Variants in DNAH12 observed in about 807,000 individuals in gnomAD.
DNAH12 encodes dynein axonemal heavy chain 12.
A neutral mutation model predicts 371.5 loss-of-function variants in DNAH12; 285 were observed. That is an observed-to-expected ratio of 0.77 (90% CI 0.70 to 0.85). DNAH12 has a LOEUF of 0.85. Among genes scored for constraint, DNAH12 ranks in the 40% least tolerant of loss-of-function variants. DNAH12 has a pLI of 0.00. For synonymous variants in DNAH12, 1,200 were observed against 1,213.0 expected (o/e 0.99, Z 0.22); for missense variants, 3,611 against 3,689.4 (o/e 0.98, Z 0.55).
chr3:57,517,774 C>T (rs1256834941), intron 4 of DNAH12, among the ~76,000 whole-genome samples: 2 of 152,158 alleles, frequency 1.3e-5, no homozygotes, highest in Non-Finnish European at 2.9e-5. Context: ...TGGCCCAGCA[C>T]GGTGGCTCAT....
intron 19 of DNAH12, among the ~76,000 whole-genome samples, 185 bp from the exon 20 acceptor site, chr3:57,459,971 A>C (rs912566360): frequency 3.3e-5 from 5 of 152,154 alleles, no homozygotes; most frequent in Admixed American, 2.0e-4. Context: ...GTTTTCCTAA[A>C]TCACTGGAAC....
At chr3:57,482,504 T>G (rs1169824176) in intron 13 of DNAH12, among the ~76,000 whole-genome samples, 10 of 152,088 alleles carry the variant, frequency 6.6e-5, no homozygotes, top group South Asian at 4.2e-4. Context: ...CATTGTGGAA[T>G]TCAGTGTGGC....
chr3:57,403,443 C>T lies in DNAH12; in HGVS notation c.6814G>A (p.Ala2272Thr). 6.4e-7 allele frequency: 1 copy of T among 1,551,382 alleles called. No individual in the cohort carries two copies. The highest frequency in any genetic ancestry group is 2.0e-5 in the Admixed American group (1 of 50,974). ...CRVLKQSGGN[A>T]LLVGLGGSGR... The stretch of plus-strand genomic sequence containing the variant: ...CTTCCTCCAAGACCAACAAGCAAAG[C>T]ATTTCCACCAGATTGCTTTAGAACT... The change falls in exon 43 of 74, where the codon GCT becomes ACT. Residue 2272 changes from alanine to threonine, a missense_variant. Transcript: ENST00000495027.
At chr3:57,418,610 C>G (rs1055282982) in intron 37 of DNAH12, among the ~76,000 whole-genome samples, 1 of 150,614 alleles carries the variant, frequency 6.6e-6, no homozygotes, top group South Asian at 2.1e-4. Flanking sequence ...TGCTTAGCTT[C>G]TAAATGCAAA....
intron 4 of DNAH12, among the ~76,000 whole-genome samples, chr3:57,514,165 G>T (rs1034561463): frequency 1.3e-5 from 2 of 152,114 alleles, no homozygotes; most frequent in African/African-American, 2.4e-5. Context: ...AGGCTGAGGC[G>T]GGCGGATCAC....
Position 57,382,927 on chromosome 3 carries a change from C to T in DNAH12, c.7861-534G>A, listed in dbSNP as rs1032735091. Among the ~76,000 whole-genome samples the T allele has an allele frequency of 8.6e-4, 131 of 152,264 alleles. 2 individuals are homozygous for T. Among genetic ancestry groups the T allele is most frequent in the Admixed American group, 6.7e-3 (103 of 15,286 alleles). On this transcript the variant is annotated intron_variant, in intron 49 of 73. Transcript: ENST00000495027. ...GATGCAAATGCTGGAAAGCTAACAA[C>T]TATATATCTTAGTTTTTCATGCAAT...
At chr3:57,367,266 AGTGAG>A (rs2063071080) in intron 56 of DNAH12, among the ~76,000 whole-genome samples, 1 of 152,172 alleles carries the variant, frequency 6.6e-6, no homozygotes, top group Admixed American at 6.5e-5. Context: ...CCCAGGAAGC[AGTGAG>A]CTGAGACTGC....
At chr3:57,467,640 C>A (rs536657456) in intron 17 of DNAH12, among the ~76,000 whole-genome samples, 41 of 152,214 alleles carry the variant, frequency 2.7e-4, no homozygotes, top group Admixed American at 1.2e-3. Context: ...CAATGGTATA[C>A]TCTTCCTATG....
intron 58 of DNAH12, among the ~76,000 whole-genome samples, chr3:57,359,118 T>TTTA (rs2062864015): frequency 3.3e-5 from 5 of 152,202 alleles, no homozygotes; most frequent in Non-Finnish European, 7.3e-5. Flanking sequence ...ACTTAATTAG[T>TTTA]ATTCCATGGC....
the DNAH12 span, among the ~76,000 whole-genome samples, chr3:57,550,317 A>AAAAAC: frequency 1.5e-4 from 23 of 152,142 alleles, no homozygotes; most frequent in East Asian, 1.9e-4. Context: ...CCCTGCTTTT[A>AAAAAC]AAAACAAAAC....
At chr3:57,436,626 A>G (rs1017759220) in intron 30 of DNAH12, among the ~76,000 whole-genome samples, 2 of 152,306 alleles carry the variant, frequency 1.3e-5, no homozygotes, top group East Asian at 3.9e-4. Context: ...ATGCATCGTC[A>G]CCTAGGGATC....
Position 57,334,891 on chromosome 3 carries a change from C to T in DNAH12, c.9724G>A (p.Gly3242Arg). 1 of 1,551,636 alleles carries T rather than the reference C, an allele frequency of 6.4e-7. No homozygotes were observed. Among genetic ancestry groups the T allele is most frequent in the South Asian group, 1.2e-5 (1 of 84,004 alleles). Reference protein sequence around the residue: ...YQELMFLLTGGVSLKSAEKNP... With the variant: ...YQELMFLLTGRVSLKSAEKNP... ...TTCTCAGCACTTTTAAGACTTACTC[C>T]TCCAGTTAAAAGAAACATCAGTTCC... The change falls in exon 61 of 74, where the codon GGA (glycine) becomes AGA (arginine). Residue 3242 changes from glycine to arginine, a missense_variant. By Grantham distance (125) the Gly-to-Arg change is moderately radical (BLOSUM62 -2). Coordinates refer to ENST00000495027, the MANE Select transcript of DNAH12 (RefSeq NM_001366028.2).
In DNAH12 at chr3:57,331,907, C is replaced by A. The variant is rs372867649; in HGVS notation, c.9978+2558G>T. Among the ~76,000 whole-genome samples, 8 of 152,282 alleles carry A rather than the reference C, an allele frequency of 5.3e-5. No homozygotes were observed. The East Asian group carries it at 1.5e-3, about 29-fold the overall frequency. ...GATCAAATTCCTCATACCCTGCCATCTCCCAGGTGGTATCTCATCACCCTG... is the reference window on the plus strand; with the variant it reads ...GATCAAATTCCTCATACCCTGCCATATCCCAGGTGGTATCTCATCACCCTG... On this transcript the variant is annotated intron_variant, in intron 62 of 73. Coordinates refer to ENST00000495027, the MANE Select transcript of DNAH12 (RefSeq NM_001366028.2).
At chr3:57,419,163 T>G (rs543986732) in intron 37 of DNAH12, among the ~76,000 whole-genome samples, 1 of 152,316 alleles carries the variant, frequency 6.6e-6, no homozygotes, top group South Asian at 2.1e-4. Flanking sequence ...CAAAGTATGA[T>G]GGCAAGGGCT....
At chr3:57,407,324 G>A (rs782544977) in intron 40 of DNAH12, among the ~76,000 whole-genome samples, 1 of 150,388 alleles carries the variant, frequency 6.6e-6, no homozygotes, top group Non-Finnish European at 1.5e-5. Flanking sequence ...TGGCAGGGAT[G>A]CTTTCTGTAT....
intron 36 of DNAH12, among the ~76,000 whole-genome samples, chr3:57,419,949 T>C (rs1012333655): frequency 3.3e-5 from 5 of 152,222 alleles, no homozygotes; most frequent in Non-Finnish European, 7.3e-5. Flanking sequence ...TTCCTGGGTT[T>C]TGGCTTTACT....
intron 2 of DNAH12, among the ~76,000 whole-genome samples, chr3:57,538,403 G>A (rs1178969437): frequency 3.0e-5 from 3 of 99,732 alleles, no homozygotes; most frequent in Non-Finnish European, 7.0e-5. Context: ...TTACAGATCT[G>A]TATAAAGCAC....
Position 57,314,603 on chromosome 3 carries a change from CA to C in DNAH12, c.10552del (p.Cys3518ValfsTer54). ...LAWEKLLFGVCFFHALVQERK... is the reference protein window; with the variant it reads ...LAWEKLLFGVXFFHALVQERK... Reference sequence around the variant, plus strand: ...CTCTTGCACAAGGGCATGAAAAAAACAAACTCCAAACAGTAACTTCTCCCAG... The same window carrying C: ...CTCTTGCACAAGGGCATGAAAAAAACAACTCCAAACAGTAACTTCTCCCAG... On this transcript the variant is annotated frameshift_variant, in exon 66 of 74. Coordinates refer to ENST00000495027, the MANE Select transcript of DNAH12 (RefSeq NM_001366028.2). LOFTEE classifies it high-confidence loss of function. 8 of 1,549,104 alleles carry C rather than the reference CA, an allele frequency of 5.2e-6. No individual in the cohort carries two copies. Among genetic ancestry groups the C allele is most frequent in the Non-Finnish European group, 6.1e-6 (7 of 1,146,432 alleles).
chr3:57,541,587 AATT>A (rs2069288299), intron 2 of DNAH12, among the ~76,000 whole-genome samples: 2 of 151,906 alleles, frequency 1.3e-5, no homozygotes, highest in South Asian at 2.1e-4. Context: ...ACTCATCTCA[AATT>A]CCTGGGCTCA....
Sources: gnomAD v4.1 joint callset for allele counts (sites outside exome capture counted in the v4.1 genomes callset) on GRCh38, gnomAD v4.1.1 for gene constraint, MANE v1.5 for transcripts, NCBI Gene and HGNC (gene_info 2026-07-23, HGNC 2026-07-21) for gene names.